The following MME variants were observed in gnomAD, a reference collection of about 807,000 sequenced individuals.
MME encodes the protein neprilysin.
A neutral mutation model predicts 113.2 loss-of-function variants in MME; 98 were observed. That is an observed-to-expected ratio of 0.87 (90% CI 0.74 to 1.02). The LOEUF (loss-of-function observed/expected upper bound fraction) is 1.02. MME is among the 50% of genes least tolerant of loss of function. The pLI is 0.00. For synonymous variants in MME, 292 were observed against 300.6 expected, an observed-to-expected ratio of 0.97 and a Z score of 0.30; for missense variants, 836 against 896.0, an observed-to-expected ratio of 0.93 and a Z score of 0.86.
chr3:155,086,331 A>T (rs1462919075), intron 3 of MME, among the ~76,000 whole-genome samples: 1 of 152,198 alleles, frequency 6.6e-6, no homozygotes, highest in Non-Finnish European at 1.5e-5. Flanking sequence ...TATGAGGTGG[A>T]TGTGGATGTG....
intron 1 of MME, among the ~76,000 whole-genome samples, chr3:155,030,967 C>G (rs1317311706): frequency 6.6e-6 from 1 of 152,186 alleles, no homozygotes; most frequent in East Asian, 1.9e-4. Context: ...AAGACTGGTT[C>G]CCTGATAGGG....
chr3:155,036,776 T>C (rs1244642659), intron 1 of MME, among the ~76,000 whole-genome samples: 1 of 152,150 alleles, frequency 6.6e-6, no homozygotes, highest in East Asian at 1.9e-4. Flanking sequence ...TCAAATTTCT[T>C]CTATAGTTTG....
At chr3:155,100,114 A>G (rs1275134481) in intron 3 of MME, among the ~76,000 whole-genome samples, 1 of 152,228 alleles carries the variant, frequency 6.6e-6, no homozygotes, top group Non-Finnish European at 1.5e-5. Flanking sequence ...GTGAACAGGC[A>G]ACCTACAGAA....
intron 3 of MME, among the ~76,000 whole-genome samples, chr3:155,096,355 G>T (rs1226191782): frequency 3.9e-5 from 6 of 152,208 alleles, no homozygotes; most frequent in Admixed American, 6.5e-5. Context: ...TGCCCCTGGT[G>T]TGTGAGAGAG....
rs199833757 is a variant in MME at position 155,142,202 on chromosome 3, T to C, written c.1095-35T>C. ...TCTTCAGAAGCTTTGCAGCCTCATC[T>C]TTTCTGTTGCTGGGCGGTGGTTTTT... On this transcript the variant is annotated intron_variant, in intron 11 of 22. Transcript: ENST00000360490. The C allele has an allele frequency of 1.9e-6, 3 of 1,612,820 alleles. No homozygotes were observed. In the East Asian group the frequency reaches 6.7e-5, roughly 36 times the overall value.
intron 1 of MME, among the ~76,000 whole-genome samples, chr3:155,051,703 A>G (rs1463106198): frequency 2.6e-5 from 4 of 152,200 alleles, no homozygotes; most frequent in African/African-American, 9.7e-5. Flanking sequence ...TATGGGAACT[A>G]CAATTCAAGA....
intron 1 of MME, among the ~76,000 whole-genome samples, chr3:155,055,025 T>C (rs1576673085): frequency 6.6e-6 from 1 of 152,204 alleles, no homozygotes; most frequent in South Asian, 2.1e-4. Flanking sequence ...ATATGTATGG[T>C]AATATATCAT....
chr3:155,033,658 A>G (rs1376363183), intron 1 of MME, among the ~76,000 whole-genome samples: 2 of 152,162 alleles, frequency 1.3e-5, no homozygotes, highest in Non-Finnish European at 2.9e-5. Context: ...TTCCTATTTG[A>G]TGTTAAAACA....
upstream of MME, among the ~76,000 whole-genome samples, chr3:155,079,188 G>C (rs959255103): frequency 6.6e-6 from 1 of 152,050 alleles, no homozygotes; most frequent in African/African-American, 2.4e-5. Context: ...AGGAAACGGG[G>C]AGGGAGAGTA....
At chr3:155,168,147 T>TA (rs771735024) in intron 18 of MME, among the ~76,000 whole-genome samples, 19 of 152,176 alleles carry the variant, frequency 1.2e-4, no homozygotes, top group Non-Finnish European at 2.2e-4. Context: ...TTGGCCATTT[T>TA]AAAAATCTCA....
intron 4 of MME, among the ~76,000 whole-genome samples, chr3:155,115,490 G>A (rs2108252586): frequency 6.6e-6 from 1 of 152,256 alleles, no homozygotes; most frequent in South Asian, 2.1e-4. Context: ...GTGCAATGGT[G>A]CTATCTCGGC....
At position 155,092,785 on chromosome 3, in the gene MME, A is replaced by G. The variant is rs1716401265; in HGVS notation, c.196+7691A>G. Among the ~76,000 whole-genome samples the G allele has an allele frequency of 2.0e-5, 3 of 152,190 alleles. No homozygotes were observed. In the South Asian group the frequency reaches 6.2e-4, roughly 32 times the overall value. Reference sequence around the variant, plus strand: ...TATTGTAAAATTCAATTTATATGAAATTTCTATAAGAAGCAAAACTATAGG... The same window carrying G: ...TATTGTAAAATTCAATTTATATGAAGTTTCTATAAGAAGCAAAACTATAGG... On this transcript the variant is annotated intron_variant, in intron 3 of 22. Transcript: ENST00000360490.
intron 8 of MME, among the ~76,000 whole-genome samples, chr3:155,133,039 T>TAAAAAAAAAAA: frequency 2.1e-5 from 1 of 48,022 alleles, no homozygotes; most frequent in Non-Finnish European, 3.8e-5. Flanking sequence ...AAACCCCGTC[T>TAAAAAAAAAAA]AAAAAAAAAA....
At chr3:155,066,412 ACTCT>A (rs1199760623) in intron 1 of MME, among the ~76,000 whole-genome samples, 6 of 151,842 alleles carry the variant, frequency 4.0e-5, no homozygotes, top group Non-Finnish European at 5.9e-5. Flanking sequence ...TTCTTTGCTC[ACTCT>A]CTCCTTGCCT....
At chr3:155,060,070 A>T (rs1471788227) in intron 1 of MME, among the ~76,000 whole-genome samples, 2 of 152,184 alleles carry the variant, frequency 1.3e-5, no homozygotes, top group Non-Finnish European at 2.9e-5. Flanking sequence ...CTTGCCACTT[A>T]AAATTACTTT....
At chr3:155,052,244 T>C (rs1713788896) in intron 1 of MME, among the ~76,000 whole-genome samples, 1 of 152,082 alleles carries the variant, frequency 6.6e-6, no homozygotes, top group Non-Finnish European at 1.5e-5. Flanking sequence ...ATGTAAGCTG[T>C]CAGTGTATCT....
At position 155,180,401 on chromosome 3, in the gene MME, C is replaced by T; in HGVS notation, c.2195C>T (p.Ala732Val). ...CAGAACTCTGCAGAGTTTTCAGAAG[C>T]CTTTCACTGCCGCAAGAATTCATAC... Reference protein sequence around the residue: ...TLQNSAEFSEAFHCRKNSYMN... With the variant: ...TLQNSAEFSEVFHCRKNSYMN... Residue 732 changes from alanine to valine, a missense_variant, in exon 23 of 23, where the codon GCC (alanine) becomes GTC (valine). Physicochemically the swap from Ala to Val is moderately conservative, Grantham distance 64. Transcript: ENST00000360490. 1 of 1,613,652 alleles carries T rather than the reference C, an allele frequency of 6.2e-7. No homozygotes were observed. Among genetic ancestry groups the T allele is most frequent in the Admixed American group, 1.7e-5 (1 of 59,996 alleles).
intron 9 of MME, among the ~76,000 whole-genome samples, chr3:155,139,977 A>G (rs1316026083): frequency 6.6e-6 from 1 of 152,100 alleles, no homozygotes; most frequent in Non-Finnish European, 1.5e-5. Flanking sequence ...TTTAAACTTG[A>G]CCCCACAGCC....
intron 8 of MME, among the ~76,000 whole-genome samples, chr3:155,126,408 CTT>C (rs11340092): frequency 8.1e-5 from 12 of 148,134 alleles, no homozygotes; most frequent in South Asian, 6.5e-4. Flanking sequence ...GCAGTAAAAG[CTT>C]TTTTTTTTTC....
Sources: allele counts gnomAD v4.1 joint callset (sites outside exome capture counted in the v4.1 genomes callset), GRCh38; gene constraint gnomAD v4.1.1; transcripts MANE v1.5; gene names NCBI Gene and HGNC (gene_info 2026-07-23, HGNC 2026-07-21).